Variants in ADGRL3 observed in about 807,000 individuals in gnomAD.
ADGRL3 encodes calcium-independent alpha-latrotoxin receptor 3.
Under a neutral mutation model 153.5 loss-of-function variants are expected in ADGRL3, and 62 were observed. The observed-to-expected ratio is 0.40, with a 90% CI of 0.33 to 0.50. ADGRL3 has a LOEUF of 0.50. Among genes scored for constraint, ADGRL3 ranks in the 20% least tolerant of loss-of-function variants. The pLI is 0.47. For missense variants in ADGRL3, 1,641 were observed against 1,859.4 expected (o/e 0.88, Z 2.16); for synonymous variants, 710 against 672.5 (o/e 1.06, Z -0.86).
At chr4:61,233,854 G>A (rs1373399017) in intron 1 of ADGRL3, among the ~76,000 whole-genome samples, 1 of 152,060 alleles carries the variant, frequency 6.6e-6, no homozygotes, top group Non-Finnish European at 1.5e-5. Context: ...GATGTATAAG[G>A]TTCTAAGGAA....
chr4:61,206,482 C>A (rs1299246375), intron 1 of ADGRL3, among the ~76,000 whole-genome samples: 1 of 152,068 alleles, frequency 6.6e-6, no homozygotes, highest in Non-Finnish European at 1.5e-5. Flanking sequence ...AAAAGAAAAC[C>A]TTTTTATAAT....
intron 3 of ADGRL3, among the ~76,000 whole-genome samples, chr4:61,509,458 A>G (rs34243683): frequency 0.091 from 13,848 of 152,016 alleles, 688 homozygotes; most frequent in Non-Finnish European, 0.1. Flanking sequence ...ATAAGTTTCA[A>G]TGTTTAGCTT....
intron 6 of ADGRL3, among the ~76,000 whole-genome samples, chr4:61,696,034 A>G (rs1245611576): frequency 1.3e-5 from 2 of 152,190 alleles, no homozygotes; most frequent in Non-Finnish European, 2.9e-5. Flanking sequence ...AGGTAATATT[A>G]CAGTTCATTT....
intron 9 of ADGRL3, among the ~76,000 whole-genome samples, chr4:61,850,930 A>C (rs2098194631): frequency 6.6e-6 from 1 of 152,164 alleles, no homozygotes; most frequent in Admixed American, 6.6e-5. Context: ...TCAGTTCCCA[A>C]ATGCAATCAT....
intron 17 of ADGRL3, among the ~76,000 whole-genome samples, chr4:61,963,770 T>G (rs1205145283): frequency 2.0e-5 from 3 of 152,194 alleles, no homozygotes; most frequent in Non-Finnish European, 4.4e-5. Flanking sequence ...GCTTGGATCC[T>G]CACACTTAAA....
chr4:61,400,992 C>CT (rs1390367207), intron 2 of ADGRL3, among the ~76,000 whole-genome samples: 2 of 150,584 alleles, frequency 1.3e-5, no homozygotes, highest in Non-Finnish European at 3.0e-5. Context: ...TTGAATTTAT[C>CT]TTTTCTCATT....
At chr4:61,929,848 G>C (rs1024016752) in intron 13 of ADGRL3, among the ~76,000 whole-genome samples, 6 of 152,106 alleles carry the variant, frequency 3.9e-5, no homozygotes, top group African/African-American at 1.4e-4. Flanking sequence ...GATGATATTT[G>C]AGATAAAACC....
chr4:61,746,957 C>A (rs972443640), intron 8 of ADGRL3, among the ~76,000 whole-genome samples: 1 of 151,936 alleles, frequency 6.6e-6, no homozygotes, highest in Non-Finnish European at 1.5e-5. Context: ...TGATAGACTG[C>A]CAGCAAGACT....
intron 1 of ADGRL3, among the ~76,000 whole-genome samples, chr4:61,250,530 A>G (rs1188827272): frequency 1.3e-5 from 2 of 152,124 alleles, no homozygotes; most frequent in East Asian, 1.9e-4. Context: ...TATACCATTG[A>G]TTTTTGTTGC....
intron 6 of ADGRL3, among the ~76,000 whole-genome samples, chr4:61,715,216 T>G (rs1283927497): frequency 6.6e-6 from 1 of 152,206 alleles, no homozygotes; most frequent in African/African-American, 2.4e-5. Context: ...TTCGACTGGT[T>G]ATTGAAGTTC....
chr4:61,313,330 A>G (rs556237051), intron 1 of ADGRL3, among the ~76,000 whole-genome samples: 2 of 152,216 alleles, frequency 1.3e-5, no homozygotes, highest in Non-Finnish European at 2.9e-5. Context: ...GCCACTATAC[A>G]TTTGTTAAAA....
At chr4:61,438,371 T>G (rs1439680354) in intron 2 of ADGRL3, among the ~76,000 whole-genome samples, 1 of 151,258 alleles carries the variant, frequency 6.6e-6, no homozygotes, top group African/African-American at 2.4e-5. Flanking sequence ...TTTTATTTAA[T>G]ATTATTATAC....
intron 9 of ADGRL3, among the ~76,000 whole-genome samples, chr4:61,879,036 A>G (rs1032721669): frequency 6.6e-6 from 1 of 152,158 alleles, no homozygotes; most frequent in Admixed American, 6.5e-5. Context: ...CCAATTTTCT[A>G]TCATCTGAAA....
chr4:61,926,492 C>A (rs1273068057), intron 13 of ADGRL3, among the ~76,000 whole-genome samples: 5 of 152,148 alleles, frequency 3.3e-5, no homozygotes, highest in Non-Finnish European at 5.9e-5. Flanking sequence ...GGAATAATCT[C>A]TGCTTTTCTT....
intron 2 of ADGRL3, chr4:61,425,231 C>T (rs1270124912): frequency 6.6e-6 from 1 of 152,246 alleles, no homozygotes; most frequent in Non-Finnish European, 1.5e-5. Flanking sequence ...TGCTAACCAG[C>T]CCCATTCATC....
chr4:61,998,582 T>TA (rs2099129774), intron 21 of ADGRL3, among the ~76,000 whole-genome samples: 1 of 151,534 alleles, frequency 6.6e-6, no homozygotes, highest in Admixed American at 6.6e-5. Flanking sequence ...TTTTTTTTTT[T>TA]ATTTAATTTT....
intron 8 of ADGRL3, among the ~76,000 whole-genome samples, chr4:61,737,397 G>A (rs768162168): frequency 6.6e-6 from 1 of 152,094 alleles, no homozygotes; most frequent in Non-Finnish European, 1.5e-5. Flanking sequence ...CTTCTCTTGG[G>A]TATATAAAGA....
chr4:61,900,660 G>A (rs1287236611), intron 11 of ADGRL3, among the ~76,000 whole-genome samples: 2 of 152,108 alleles, frequency 1.3e-5, no homozygotes, highest in Non-Finnish European at 2.9e-5. Flanking sequence ...GGAAAAGGAA[G>A]ACCAGTAGGT....
At chr4:61,634,047 G>A (rs1424126202) in intron 5 of ADGRL3, among the ~76,000 whole-genome samples, 1 of 151,728 alleles carries the variant, frequency 6.6e-6, no homozygotes, top group Non-Finnish European at 1.5e-5. Flanking sequence ...GATAACACTG[G>A]ACCTATATTG....
Sources: gnomAD v4.1 joint callset for allele counts (sites outside exome capture counted in the v4.1 genomes callset) on GRCh38, gnomAD v4.1.1 for gene constraint, MANE v1.5 for transcripts, NCBI Gene and HGNC (gene_info 2026-07-23, HGNC 2026-07-21) for gene names.